Variants in IL1RAPL2 observed in about 807,000 individuals in gnomAD.
IL1RAPL2 encodes the protein X-linked interleukin-1 receptor accessory protein-like 2.
IL1RAPL2 carries 3 observed loss-of-function variants against 44.1 expected under a neutral mutation model. The ratio of observed to expected loss-of-function variants is 0.07; its 90% CI spans 0.03 to 0.18. The LOEUF (loss-of-function observed/expected upper bound fraction) is 0.18, where lower values mean the gene tolerates loss of function less well. Among genes scored for constraint, IL1RAPL2 ranks in the 10% least tolerant of loss-of-function variants. IL1RAPL2 has a pLI of 1.00. For synonymous variants in IL1RAPL2, 181 were observed against 178.8 expected, an observed-to-expected ratio of 1.01 and a Z score of -0.10; for missense variants, 391 against 496.4, an observed-to-expected ratio of 0.79 and a Z score of 2.02.
intron 4 of IL1RAPL2, among the ~76,000 whole-genome samples, chrX:105,240,679 A>C (rs1310633601): frequency 8.9e-6 from 1 of 112,116 alleles, no homozygotes; most frequent in Non-Finnish European, 1.9e-5. Flanking sequence ...TTGACAAGGA[A>C]ATTTGGTTAT....
intron 6 of IL1RAPL2, among the ~76,000 whole-genome samples, chrX:105,709,429 G>A (rs1225140760): frequency 8.9e-6 from 1 of 111,755 alleles, no homozygotes; most frequent in African/African-American, 3.2e-5. Context: ...ACTAATGACT[G>A]GCACTCGAGA....
At chrX:104,657,688 C>A (rs866104429) in intron 1 of IL1RAPL2, among the ~76,000 whole-genome samples, 1 of 111,078 alleles carries the variant, frequency 9.0e-6, no homozygotes, top group Admixed American at 9.6e-5. Flanking sequence ...AACAGGCAAC[C>A]TACAGAATAG....
chrX:105,007,970 A>C (rs6523808), intron 2 of IL1RAPL2, among the ~76,000 whole-genome samples: 192 of 9,705 alleles, frequency 0.02, 6 homozygotes, highest in South Asian at 0.12. Flanking sequence ...TTGACGTGGA[A>C]TTGGTTACTT....
intron 2 of IL1RAPL2, among the ~76,000 whole-genome samples, chrX:104,810,475 G>A (rs1932967608): frequency 9.0e-6 from 1 of 111,258 alleles, no homozygotes; most frequent in South Asian, 3.8e-4. Flanking sequence ...TTTGAGATGA[G>A]CATTAAGGCA....
chrX:104,740,881 A>G (rs1932091291), intron 2 of IL1RAPL2, among the ~76,000 whole-genome samples: 1 of 111,677 alleles, frequency 9.0e-6, no homozygotes, highest in South Asian at 3.7e-4. Context: ...TAATGTAGAT[A>G]TCTACAGTGG....
chrX:104,749,842 C>T (rs774222257), intron 2 of IL1RAPL2, among the ~76,000 whole-genome samples: 62 of 111,594 alleles, frequency 5.6e-4, no homozygotes, highest in African/African-American at 1.7e-3. Flanking sequence ...TGTATAAATG[C>T]GTTACTGTAA....
chrX:105,045,720 TA>T lies in IL1RAPL2; in HGVS notation c.83-149751del, dbSNP rs771710243. ...ATGCCACCAGACTTGGCTAACTTTT[TA>T]AAATTTTTATTTTATGTATTTCACA... On this transcript the variant is annotated intron_variant, in intron 2 of 10. Coordinates refer to ENST00000372582, the MANE Select transcript of IL1RAPL2 (RefSeq NM_017416.2). 2.7e-5 allele frequency among the ~76,000 whole-genome samples: 3 copies of T among 110,705 alleles called. No homozygotes were observed. In the South Asian group the frequency reaches 1.2e-3, roughly 43 times the overall value.
chrX:104,639,606 A>T (rs780158204), intron 1 of IL1RAPL2, among the ~76,000 whole-genome samples: 10 of 110,492 alleles, frequency 9.1e-5, no homozygotes, highest in Non-Finnish European at 1.9e-4. Flanking sequence ...TTTACCAGTG[A>T]GTTTTATACT....
At chrX:105,338,031 C>T (rs950792692) in intron 5 of IL1RAPL2, among the ~76,000 whole-genome samples, 1 of 112,169 alleles carries the variant, frequency 8.9e-6, no homozygotes, top group Non-Finnish European at 1.9e-5. Context: ...TTATGAATGG[C>T]AAGACATGGG....
At chrX:104,881,144 A>G (rs1250160786) in intron 2 of IL1RAPL2, among the ~76,000 whole-genome samples, 1 of 111,958 alleles carries the variant, frequency 8.9e-6, no homozygotes, top group Non-Finnish European at 1.9e-5. Flanking sequence ...ATCTCATTTT[A>G]AGATGGCATT....
At chrX:104,684,662 A>T (rs1307318216) in intron 2 of IL1RAPL2, among the ~76,000 whole-genome samples, 2 of 112,418 alleles carry the variant, frequency 1.8e-5, no homozygotes, top group African/African-American at 6.5e-5. Context: ...TTCTTGTTGA[A>T]AACCTGCAGG....
chrX:104,946,400 A>AT (rs1925359497), intron 2 of IL1RAPL2, among the ~76,000 whole-genome samples: 1 of 95,446 alleles, frequency 1.0e-5, no homozygotes, highest in Non-Finnish European at 2.1e-5. Context: ...AAAAAAAAAA[A>AT]AAAAAAAAAC....
At chrX:104,848,404 T>C (rs1922117231) in intron 2 of IL1RAPL2, among the ~76,000 whole-genome samples, 1 of 56,070 alleles carries the variant, frequency 1.8e-5, no homozygotes, top group African/African-American at 6.7e-5. Flanking sequence ...AAAAGATTTT[T>C]ATCTGTATAT....
intron 5 of IL1RAPL2, among the ~76,000 whole-genome samples, chrX:105,451,002 T>A (rs1300379528): frequency 9.2e-6 from 1 of 108,925 alleles, no homozygotes; most frequent in Non-Finnish European, 1.9e-5. Context: ...TTTCCCCCAG[T>A]GAGATGGATT....
At chrX:105,486,368 T>TAAACA (rs2036266336) in intron 6 of IL1RAPL2, among the ~76,000 whole-genome samples, 1 of 112,265 alleles carries the variant, frequency 8.9e-6, no homozygotes, top group Non-Finnish European at 1.9e-5. Flanking sequence ...TTAAGCATTT[T>TAAACA]AAACAAAACA....
intron 6 of IL1RAPL2, among the ~76,000 whole-genome samples, chrX:105,609,080 C>T (rs1602487844): frequency 9.0e-6 from 1 of 111,112 alleles, no homozygotes; most frequent in East Asian, 2.8e-4. Context: ...CTATTTTGAG[C>T]CACTGCTTAA....
rs1474765179 is a variant in IL1RAPL2 at position 105,415,096 on chromosome X, A to G, written c.698-69217A>G. ...TTTTTTCCAGTCTCTTATGTCTTTA[A>G]ACATTTGGGAATAAGTAACACAATA... On this transcript the variant is annotated intron_variant, in intron 5 of 10. Coordinates refer to ENST00000372582, the MANE Select transcript of IL1RAPL2 (RefSeq NM_017416.2). 4.5e-5 allele frequency among the ~76,000 whole-genome samples: 5 copies of G among 112,074 alleles called. 1 individual carries two copies. The highest frequency in any genetic ancestry group is 1.6e-4 in the African/African-American group (5 of 30,831).
chrX:104,740,139 A>G (rs1932079078), intron 2 of IL1RAPL2, among the ~76,000 whole-genome samples: 1 of 111,272 alleles, frequency 9.0e-6, no homozygotes, highest in African/African-American at 3.3e-5. Flanking sequence ...ACCAGTCACT[A>G]CTTACATTAT....
chrX:105,189,039 C>T (rs1556135646), intron 2 of IL1RAPL2, among the ~76,000 whole-genome samples: 1 of 111,408 alleles, frequency 9.0e-6, no homozygotes, highest in East Asian at 2.8e-4. Flanking sequence ...TGGGTATAAA[C>T]AGGAAGAAAC....
Sources: gnomAD v4.1 joint callset for allele counts (sites outside exome capture counted in the v4.1 genomes callset) on GRCh38, gnomAD v4.1.1 for gene constraint, MANE v1.5 for transcripts, NCBI Gene and HGNC (gene_info 2026-07-23, HGNC 2026-07-21) for gene names.